GABRB3: variants seen among roughly 807,000 people sequenced by gnomAD.
The protein encoded by GABRB3 is gamma-aminobutyric acid type A receptor subunit beta3.
In GABRB3, 14 loss-of-function variants were observed where a neutral mutation model predicts 52.1. The observed-to-expected ratio is 0.27, with a 90% CI of 0.18 to 0.42. The LOEUF is 0.42. GABRB3 is among the 10% of genes least tolerant of loss of function. The pLI, the probability that GABRB3 is intolerant of heterozygous loss-of-function variation, is 1.00. For synonymous variants in GABRB3, 260 were observed against 232.3 expected, an observed-to-expected ratio of 1.12 and a Z score of -1.08; for missense variants, 307 against 609.1, an observed-to-expected ratio of 0.50 and a Z score of 5.22.
intron 3 of GABRB3, among the ~76,000 whole-genome samples, chr15:26,690,262 A>C (rs61998716): frequency 0.035 from 5,299 of 151,922 alleles, 113 homozygotes; most frequent in Non-Finnish European, 0.055. Flanking sequence ...AACTTTTTGT[A>C]GTGACAGGGT....
intron 3 of GABRB3, among the ~76,000 whole-genome samples, chr15:26,753,863 T>C (rs1290665784): frequency 6.6e-6 from 1 of 152,170 alleles, no homozygotes; most frequent in Non-Finnish European, 1.5e-5. Context: ...GGTAAACCAA[T>C]GCTGTTGGTC....
intron 6 of GABRB3, among the ~76,000 whole-genome samples, chr15:26,572,755 T>C (rs1227700562): frequency 6.6e-6 from 1 of 152,204 alleles, no homozygotes; most frequent in Non-Finnish European, 1.5e-5. Flanking sequence ...TGAAATGCGC[T>C]GAAGCCCTAA....
rs1258967085 is a variant in GABRB3, at chr15:26,547,887, G to C, written c.1328C>G (p.Thr443Ser). 16 of 1,614,038 alleles carry C rather than the reference G, an allele frequency of 9.9e-6. No homozygotes were observed. The highest frequency in any genetic ancestry group is 1.3e-5 in the Non-Finnish European group (15 of 1,180,026). The change falls in exon 9 of 9, where the codon ACC (threonine) becomes AGC (serine). Residue 443 changes from threonine to serine, a missense_variant. Coordinates refer to ENST00000311550, the MANE Select transcript of GABRB3 (RefSeq NM_000814.6). ...CCATCTGTCTATGGCATTCACATCG[G>C]TTAGATCAGGTATTTTAATTTTGAG... ...SQLKIKIPDLTDVNAIDRWSR... is the reference protein window; with the variant it reads ...SQLKIKIPDLSDVNAIDRWSR...
At chr15:26,757,616 A>C (rs1890698738) in intron 3 of GABRB3, among the ~76,000 whole-genome samples, 1 of 152,238 alleles carries the variant, frequency 6.6e-6, no homozygotes, top group African/African-American at 2.4e-5. Flanking sequence ...ATTTAGAAGG[A>C]AAGAGACAGT....
At chr15:26,725,152 G>T (rs529715308) in intron 3 of GABRB3, among the ~76,000 whole-genome samples, 1 of 152,234 alleles carries the variant, frequency 6.6e-6, no homozygotes, top group South Asian at 2.1e-4. Flanking sequence ...GAATGAATTG[G>T]TTCTTAGGAA....
At chr15:26,584,233 A>C (rs1890897037) in intron 4 of GABRB3, among the ~76,000 whole-genome samples, 2 of 152,338 alleles carry the variant, frequency 1.3e-5, no homozygotes, top group South Asian at 4.1e-4. Flanking sequence ...TGGCAGAGAA[A>C]GGGGTTTCCA....
At chr15:26,553,658 GGAGAAT>G (rs1889566485) in intron 8 of GABRB3, 1 of 152,020 alleles carries the variant, frequency 6.6e-6, no homozygotes, top group Non-Finnish European at 1.5e-5. Context: ...ATGCCTCACT[GGAGAAT>G]GCACTTCCAC....
chr15:26,674,333 G>A (rs1266139321), intron 3 of GABRB3, among the ~76,000 whole-genome samples: 6 of 144,064 alleles, frequency 4.2e-5, no homozygotes, highest in Non-Finnish European at 6.0e-5. Context: ...CCCAGGAGGC[G>A]AAGGCTGCAG....
chr15:26,758,984 T>G (rs1417293855), intron 3 of GABRB3, among the ~76,000 whole-genome samples: 1 of 152,188 alleles, frequency 6.6e-6, no homozygotes, highest in African/African-American at 2.4e-5. Context: ...TGGGGGTCAC[T>G]GGCTACTTCC....
rs146329748 is a variant in GABRB3 at position 26,560,093 on chromosome 15, C to T, written c.1080+839G>A. Among the ~76,000 whole-genome samples, 274 of 152,300 alleles carry T rather than the reference C, an allele frequency of 1.8e-3. 6 individuals are homozygous for T. The East Asian group carries it at 0.035, about 20-fold the overall frequency. On this transcript the variant is annotated intron_variant, in intron 8 of 8. Transcript: ENST00000311550. ...AATGCTTCCGTAGAACAAATTCACA[C>T]TCTCCACCCCAGCGTTTCATTCTTT...
intron 8 of GABRB3, among the ~76,000 whole-genome samples, chr15:26,559,922 T>C (rs1354661211): frequency 6.6e-6 from 1 of 152,198 alleles, no homozygotes; most frequent in African/African-American, 2.4e-5. Context: ...GCATTCCTTT[T>C]GGACTTTGCT....
chr15:26,629,177 G>C, intron 3 of GABRB3: 2 of 1,479,524 alleles, frequency 1.4e-6, no homozygotes, highest in Admixed American at 2.2e-5. Flanking sequence ...AGCAGCTCCC[G>C]GGAGACGGAG....
At chr15:26,606,784 A>C (rs1043266923) in intron 4 of GABRB3, among the ~76,000 whole-genome samples, 23 of 105,800 alleles carry the variant, frequency 2.2e-4, no homozygotes, top group Non-Finnish European at 2.2e-4. Flanking sequence ...ATAGATAGAT[A>C]TATCTATAGA....
At chr15:26,554,190 A>ATAAAGTGT (rs1567097853) in intron 8 of GABRB3, among the ~76,000 whole-genome samples, 1 of 31,542 alleles carries the variant, frequency 3.2e-5, no homozygotes, top group African/African-American at 8.5e-5. Flanking sequence ...ATATATATAT[A>ATAAAGTGT]CTATATATAT....
At chr15:26,772,079 G>A (rs1891161545) in intron 3 of GABRB3, 1 of 290,698 alleles carries the variant, frequency 3.4e-6, no homozygotes, top group African/African-American at 2.2e-5. Flanking sequence ...ACAGCGCTCG[G>A]GAAACCTCGG....
chr15:26,644,409 T>G (rs776215819), intron 3 of GABRB3, among the ~76,000 whole-genome samples: 3 of 152,014 alleles, frequency 2.0e-5, no homozygotes, highest in Non-Finnish European at 4.4e-5. Flanking sequence ...AAGAGGAGAT[T>G]TGGAGACAGA....
intron 3 of GABRB3, among the ~76,000 whole-genome samples, chr15:26,693,771 G>GA (rs112942265): frequency 0.024 from 3,634 of 152,288 alleles, 142 homozygotes; most frequent in African/African-American, 0.083. Context: ...CAACTGTTGG[G>GA]AAAACATACT....
At chr15:26,613,556 T>C (rs903598667) in intron 4 of GABRB3, 1 of 151,806 alleles carries the variant, frequency 6.6e-6, no homozygotes, top group Non-Finnish European at 1.5e-5. Flanking sequence ...ATAAGTACTA[T>C]GGAAAGGCTA....
At chr15:26,703,597 G>C (rs181861463) in intron 3 of GABRB3, among the ~76,000 whole-genome samples, 1 of 152,298 alleles carries the variant, frequency 6.6e-6, no homozygotes, top group African/African-American at 2.4e-5. Context: ...TTGCATGAGT[G>C]ACATTCAAGG....
Sources: gnomAD v4.1 joint callset for allele counts (sites outside exome capture counted in the v4.1 genomes callset) on GRCh38, gnomAD v4.1.1 for gene constraint, MANE v1.5 for transcripts, NCBI Gene and HGNC (gene_info 2026-07-23, HGNC 2026-07-21) for gene names.